Variants in MS4A8 observed in about 807,000 individuals in gnomAD.
MS4A8 encodes the protein membrane spanning 4-domains A8.
MS4A8 carries 27 observed loss-of-function variants against 23.7 expected under a neutral mutation model. The ratio of observed to expected loss-of-function variants is 1.14; its 90% confidence interval spans 0.84 to 1.57. MS4A8 has a LOEUF of 1.57. MS4A8 is among the 40% of genes most tolerant of loss of function. The pLI is 0.00. For synonymous variants in MS4A8, 138 were observed against 126.3 expected (o/e 1.09, Z -0.62); for missense variants, 301 against 311.4 (o/e 0.97, Z 0.25).
At chr11:60,712,217 A>G (rs941526051) in intron 5 of MS4A8, 3 of 545,658 alleles carry the variant, frequency 5.5e-6, no homozygotes, top group Non-Finnish European at 7.0e-6. Context: ...AAATCCCTTC[A>G]TGACAATGAA....
At chr11:60,709,388 AAG>A (rs111482488) in intron 5 of MS4A8, among the ~76,000 whole-genome samples, 6 of 152,256 alleles carry the variant, frequency 3.9e-5, no homozygotes, top group East Asian at 1.9e-4. Context: ...CCACATTTAA[AAG>A]AGAGAGAGAG....
In MS4A8 at chr11:60,700,994, T is replaced by C. The variant is rs1225836566; in HGVS notation, c.134T>C (p.Leu45Pro). ...CCAAACAGCCAGCCGCAAGTCCACC[T>C]AGTTCCTGGGAACCCACCTAGTTTG... ...LYPNSQPQVHLVPGNPPSLVS... is the reference protein window; with the variant it reads ...LYPNSQPQVHPVPGNPPSLVS... Residue 45 changes from leucine (L) to proline (P), a missense_variant, in exon 2 of 7, where the codon CTA becomes CCA. Leu to Pro is a moderately conservative substitution (Grantham distance 98). Coordinates refer to ENST00000300226, the MANE Select transcript of MS4A8 (RefSeq NM_031457.2). 1.2e-6 allele frequency: 2 copies of C among 1,614,210 alleles called. No homozygotes were observed. Among genetic ancestry groups the C allele is most frequent in the Non-Finnish European group, 8.5e-7 (1 of 1,180,032 alleles).
intron 5 of MS4A8, among the ~76,000 whole-genome samples, chr11:60,709,831 AACCAACCC>A (rs1430885829): frequency 6.6e-6 from 1 of 152,224 alleles, no homozygotes; most frequent in Non-Finnish European, 1.5e-5. Flanking sequence ...TTAAAAAACA[AACCAACCC>A]ACCTCCTCTT....
At chr11:60,700,718 A>C in intron 1 of MS4A8, 142 bp from the exon 2 acceptor site, 1 of 778,754 alleles carries the variant, frequency 1.3e-6, no homozygotes, top group Non-Finnish European at 2.1e-6. Flanking sequence ...GTGCCCTATA[A>C]CTGATATCTA....
intron 5 of MS4A8, chr11:60,712,284 A>C: frequency 1.0e-6 from 1 of 976,244 alleles, no homozygotes; most frequent in Non-Finnish European, 1.2e-6. Context: ...CTCTTACCCT[A>C]TCTGATGTGA....
chr11:60,712,349 A>T (rs2088307173), intron 5 of MS4A8: 12 of 985,350 alleles, frequency 1.2e-5, no homozygotes, highest in Non-Finnish European at 1.4e-5. Context: ...CTCAGGATGC[A>T]TTTCTTAGCC....
intron 3 of MS4A8, among the ~76,000 whole-genome samples, chr11:60,705,307 T>C (rs141123339): frequency 3.3e-5 from 5 of 152,328 alleles, no homozygotes; most frequent in Non-Finnish European, 7.3e-5. Flanking sequence ...ACACAATGCC[T>C]ACCACGGAGC....
In MS4A8 at chr11:60,715,750, G is replaced by A. The variant is rs2088338862; in HGVS notation, c.*336G>A. 2 of 304,746 alleles carry A rather than the reference G, an allele frequency of 6.6e-6. No homozygotes were observed. Among genetic ancestry groups the A allele is most frequent in the South Asian group, 7.9e-5 (2 of 25,294 alleles). The allele number at this position is 304,746 out of a possible 1,614,324, so 18.9% of individuals were successfully genotyped here. A position where few individuals can be genotyped will look rare whatever the true frequency, so the allele number is the denominator to read the frequency against. ...TGTGGGTTAGAGGAACAAATATCTA[G>A]ACATTCAATCTTCACTCTTTCAATT... is the stretch of plus-strand genomic sequence containing the variant. On this transcript the variant is annotated 3_prime_UTR_variant, in exon 7 of 7. Coordinates refer to ENST00000300226, the MANE Select transcript of MS4A8 (RefSeq NM_031457.2).
At chr11:60,701,625 T>G in intron 2 of MS4A8, 1 of 236,744 alleles carries the variant, frequency 4.2e-6, no homozygotes, top group Middle Eastern at 1.6e-3. Context: ...CACCCTCAGA[T>G]AGTGCTCATG....
intron 3 of MS4A8, 88 bp downstream of exon 3, chr11:60,703,588 T>C: frequency 6.7e-7 from 1 of 1,481,604 alleles, no homozygotes; most frequent in Admixed American, 2.1e-5. Context: ...AGCTGTGCCC[T>C]GCAGAAGGTT....
In MS4A8 at chr11:60,715,295, GC is replaced by G; in HGVS notation, c.649-13del. ...GTCCTTCTTAGCATGCCCCCTGTGT[GC>G]CTGTGTTTTCCAGGTGAGTGTCATC... On this transcript the variant is annotated splice_polypyrimidine_tract_variant and intron_variant, in intron 6 of 6. Coordinates refer to ENST00000300226, the MANE Select transcript of MS4A8 (RefSeq NM_031457.2). The G allele has an allele frequency of 6.2e-7, 1 of 1,611,040 alleles. No individual in the cohort carries two copies. Among genetic ancestry groups the G allele is most frequent in the African/African-American group, 1.3e-5 (1 of 74,922 alleles).
At chr11:60,710,064 T>C (rs2088287816) in intron 5 of MS4A8, among the ~76,000 whole-genome samples, 1 of 152,200 alleles carries the variant, frequency 6.6e-6, no homozygotes, top group Admixed American at 6.5e-5. Context: ...GGAGGGACTT[T>C]GCTTGACTTC....
intron 4 of MS4A8, among the ~76,000 whole-genome samples, chr11:60,708,087 A>G (rs1479037181): frequency 6.6e-6 from 1 of 152,016 alleles, no homozygotes; most frequent in African/African-American, 2.4e-5. Context: ...ACCTCAGGTG[A>G]TCCACCTGCC....
intron 2 of MS4A8, 160 bp from the exon 3 acceptor site, chr11:60,703,218 C>T (rs1287613310): frequency 8.9e-6 from 7 of 785,848 alleles, no homozygotes; most frequent in South Asian, 5.7e-5. Context: ...TTTCTCCAGG[C>T]GGAGGGGAGA....
intron 3 of MS4A8, among the ~76,000 whole-genome samples, chr11:60,706,303 A>G (rs2088255332): frequency 6.6e-6 from 1 of 152,234 alleles, no homozygotes; most frequent in Admixed American, 6.5e-5. Context: ...CAATCCCATC[A>G]GCCACAGTGC....
At chr11:60,703,623 A>C in intron 3 of MS4A8, 123 bp downstream of exon 3, 1 of 1,188,664 alleles carries the variant, frequency 8.4e-7, no homozygotes, top group South Asian at 1.4e-5. Flanking sequence ...TGTGGGGGAT[A>C]GGAAACCAGC....
At chr11:60,711,079 A>C (rs2088296558) in intron 5 of MS4A8, among the ~76,000 whole-genome samples, 1 of 152,200 alleles carries the variant, frequency 6.6e-6, no homozygotes, top group South Asian at 2.1e-4. Flanking sequence ...CACCCTCTGC[A>C]ACTGACTTAT....
chr11:60,708,840 C>T, intron 5 of MS4A8, 59 bp downstream of exon 5: 4 of 1,603,832 alleles, frequency 2.5e-6, no homozygotes, highest in Non-Finnish European at 3.4e-6. Context: ...ATTTAGAAAA[C>T]TCCCAGAAAG....
At chr11:60,706,275 T>TGGG (rs924097003) in intron 3 of MS4A8, among the ~76,000 whole-genome samples, 26 of 152,340 alleles carry the variant, frequency 1.7e-4, no homozygotes, top group African/African-American at 6.3e-4. Flanking sequence ...GCTAGCCCAC[T>TGGG]GGGCAAATGA....
Sources: allele counts gnomAD v4.1 joint callset (sites outside exome capture counted in the v4.1 genomes callset), GRCh38; gene constraint gnomAD v4.1.1; transcripts MANE v1.5; gene names NCBI Gene and HGNC (gene_info 2026-07-23, HGNC 2026-07-21).